ANK2: variants seen among roughly 807,000 people sequenced by gnomAD.
ANK2 encodes the protein ankyrin-2.
In ANK2, 83 loss-of-function variants were observed where a neutral mutation model predicts 360.5. The ratio of observed to expected loss-of-function variants is 0.23; its 90% CI spans 0.19 to 0.28. ANK2 has a LOEUF of 0.28. ANK2 is among the 10% of genes least tolerant of loss of function. ANK2 has a pLI of 1.00. For missense variants in ANK2, 4,201 were observed against 4,795.7 expected (o/e 0.88, Z 3.66); for synonymous variants, 1,740 against 1,759.5 (o/e 0.99, Z 0.28).
At chr4:112,798,051 G>T in the ANK2 span, 11 of 164,610 alleles carry the variant, frequency 6.7e-5, no homozygotes, top group East Asian at 1.1e-3. Flanking sequence ...ATCATGGCAG[G>T]ACAGTCAACC....
At chr4:112,923,090 G>T (rs867198639) in intron 2 of ANK2, among the ~76,000 whole-genome samples, 1 of 151,986 alleles carries the variant, frequency 6.6e-6, no homozygotes, top group African/African-American at 2.4e-5. Context: ...TCAGCATACC[G>T]TAGTGGACAC....
At chr4:113,270,356 TG>T (rs1406103486) in intron 14 of ANK2, among the ~76,000 whole-genome samples, 1 of 152,214 alleles carries the variant, frequency 6.6e-6, no homozygotes, top group Admixed American at 6.5e-5. Flanking sequence ...TTTATCTTTT[TG>T]GATACCCTCT....
chr4:113,257,797 G>A (rs756705117), intron 11 of ANK2, among the ~76,000 whole-genome samples: 14 of 152,186 alleles, frequency 9.2e-5, no homozygotes, highest in Non-Finnish European at 2.1e-4. Context: ...GAAGGACCAT[G>A]TATTTTTCTT....
At chr4:112,944,011 C>G (rs758041811) in intron 2 of ANK2, among the ~76,000 whole-genome samples, 2 of 152,080 alleles carry the variant, frequency 1.3e-5, no homozygotes, top group African/African-American at 2.4e-5. Flanking sequence ...TCCTTAATTA[C>G]AGAAGCCTGA....
At chr4:113,311,490 G>T in intron 24 of ANK2, 91 bp downstream of exon 24, 1 of 1,468,454 alleles carries the variant, frequency 6.8e-7, no homozygotes, top group Non-Finnish European at 9.4e-7. Flanking sequence ...CAATTATTGA[G>T]CATTTAATAG....
At chr4:113,280,539 C>T (rs1258660508) in intron 17 of ANK2, among the ~76,000 whole-genome samples, 1 of 152,154 alleles carries the variant, frequency 6.6e-6, no homozygotes, top group Non-Finnish European at 1.5e-5. Context: ...GTAAGATCCC[C>T]ACTGTAGTCT....
In ANK2 at chr4:112,872,026, A is replaced by ATT. The variant is rs752922331; in HGVS notation, c.-39-32414_-39-32413dup. ...TTTTATTGAGGGTTTTTGCATCTGTATTTTTTTTTTTTTTTTCGAGACAGA... is the reference window on the plus strand; with the variant it reads ...TTTTATTGAGGGTTTTTGCATCTGTATTTTTTTTTTTTTTTTTTCGAGACAGA... On this transcript the variant is annotated intron_variant, in intron 1 of 30. Coordinates refer to the ANK2 transcript ENST00000503271. 6.9e-4 allele frequency among the ~76,000 whole-genome samples: 84 copies of ATT among 121,630 alleles called. 1 individual carries two copies. Among genetic ancestry groups the ATT allele is most frequent in the Middle Eastern group, 4.1e-3 (1 of 246 alleles). 79.8% of individuals were successfully genotyped at this position (121,630 alleles called of 152,430 possible). A position where few individuals can be genotyped will look rare whatever the true frequency, so the allele number is the denominator to read the frequency against.
intron 1 of ANK2, among the ~76,000 whole-genome samples, chr4:112,902,945 G>A (rs1156620051): frequency 1.3e-5 from 2 of 152,142 alleles, no homozygotes; most frequent in Non-Finnish European, 2.9e-5. Context: ...GGCTATTCCC[G>A]GGAGTTCAGA....
At chr4:113,375,449 G>C (rs1351679275) in intron 45 of ANK2, among the ~76,000 whole-genome samples, 1 of 151,422 alleles carries the variant, frequency 6.6e-6, no homozygotes, top group South Asian at 2.1e-4. Context: ...CGGTTGGCCA[G>C]GCACAGTGGC....
chr4:113,287,498 G>T (rs928955971), intron 18 of ANK2, 107 bp from the exon 19 acceptor site: 20 of 928,312 alleles, frequency 2.2e-5, no homozygotes, highest in East Asian at 1.3e-4. Context: ...GAGGCTATGA[G>T]TTTTCCAGGA....
chr4:113,243,110 C>G (rs1489793196), intron 9 of ANK2, among the ~76,000 whole-genome samples: 6 of 152,116 alleles, frequency 3.9e-5, no homozygotes, highest in Middle Eastern at 3.4e-3. Context: ...AGGATTATTT[C>G]AGTATTAATT....
intron 25 of ANK2, 86 bp downstream of exon 25, chr4:113,317,895 T>A: frequency 9.1e-7 from 1 of 1,103,680 alleles, no homozygotes; most frequent in Non-Finnish European, 1.4e-6. Flanking sequence ...AGAAAGTTTT[T>A]AATCCCCCCA....
intron 30 of ANK2, 97 bp downstream of exon 30, chr4:113,336,154 C>T: frequency 1.6e-6 from 2 of 1,252,640 alleles, no homozygotes; most frequent in Non-Finnish European, 2.3e-6. Context: ...TTTATAATCA[C>T]ACCAAAAAGG....
chr4:113,163,764 C>CAAAAAAAAAAAA (rs1158530849), intron 1 of ANK2, among the ~76,000 whole-genome samples: 29 of 55,048 alleles, frequency 5.3e-4, no homozygotes, highest in Non-Finnish European at 5.3e-4. Flanking sequence ...AACTTCGTCT[C>CAAAAAAAAAAAA]AAAAAAAAAA....
chr4:112,766,507 C>T, the ANK2 span, among the ~76,000 whole-genome samples: 7 of 152,092 alleles, frequency 4.6e-5, no homozygotes, highest in African/African-American at 1.7e-4. Flanking sequence ...TATCTGCCTT[C>T]AGAAATTGCT....
At chr4:113,167,374 A>G (rs1001352196) in intron 1 of ANK2, among the ~76,000 whole-genome samples, 2 of 149,386 alleles carry the variant, frequency 1.3e-5, no homozygotes, top group African/African-American at 5.0e-5. Context: ...ATCTTGGCTC[A>G]CTGCAACCTC....
intron 27 of ANK2, 130 bp downstream of exon 27, chr4:113,330,600 T>A: frequency 2.1e-6 from 2 of 932,324 alleles, no homozygotes; most frequent in Non-Finnish European, 3.2e-6. Context: ...ATGACATTTT[T>A]AAAATTGGAA....
At chr4:112,796,102 G>T in the ANK2 span, among the ~76,000 whole-genome samples, 1 of 152,062 alleles carries the variant, frequency 6.6e-6, no homozygotes, top group Non-Finnish European at 1.5e-5. Flanking sequence ...ACCTGGCTGA[G>T]ATGAATTTTT....
intron 4 of ANK2, among the ~76,000 whole-genome samples, chr4:113,218,747 G>A (rs529313881): frequency 6.6e-6 from 1 of 152,174 alleles, no homozygotes; most frequent in Non-Finnish European, 1.5e-5. Flanking sequence ...AAAACTATTT[G>A]GTAGTCATTC....
Sources: gnomAD v4.1 joint callset for allele counts (sites outside exome capture counted in the v4.1 genomes callset) on GRCh38, gnomAD v4.1.1 for gene constraint, MANE v1.5 for transcripts, NCBI Gene and HGNC (gene_info 2026-07-23, HGNC 2026-07-21) for gene names.